Variants in MARS1 observed in about 807,000 individuals in gnomAD.
The protein encoded by MARS1 is methionine--tRNA ligase, cytoplasmic.
In MARS1, 80 loss-of-function variants were observed where a neutral mutation model predicts 119.5. The ratio of observed to expected loss-of-function variants is 0.67; its 90% CI spans 0.56 to 0.81. The LOEUF is 0.81. Among genes scored for constraint, MARS1 ranks in the 30% least tolerant of loss-of-function variants. MARS1 has a pLI of 0.00. For missense variants in MARS1, 945 were observed against 1,116.5 expected, an observed-to-expected ratio of 0.85 and a Z score of 2.19; for synonymous variants, 418 against 433.4, an observed-to-expected ratio of 0.96 and a Z score of 0.44.
Position 57,498,558 on chromosome 12 carries a change from C to T in MARS1, c.1026C>T (p.Asp342=). 1 of 1,614,244 alleles carries T rather than the reference C, an allele frequency of 6.2e-7. No homozygotes were observed. The highest frequency in any genetic ancestry group is 8.5e-7 in the Non-Finnish European group (1 of 1,180,046). The change falls in exon 9 of 21, where the codon GAC becomes GAT. Residue 342 remains aspartate, a synonymous_variant. Coordinates refer to ENST00000262027, the MANE Select transcript of MARS1 (RefSeq NM_004990.4). ...ACAAGTACCACATCATCCATGCTGA[C>T]ATCTACCGCTGGTTTAACATTTCGT... ...ICDKYHIIHA[D]IYRWFNISFD...
chr12:57,511,602 T>G (rs1667614492), intron 11 of MARS1, 96 bp from the exon 12 acceptor site: 2 of 1,360,710 alleles, frequency 1.5e-6, no homozygotes, highest in Non-Finnish European at 2.1e-6. Context: ...AGTTATATAT[T>G]GCCAAATTGT....
chr12:57,511,363 T>C (rs1180696456), intron 11 of MARS1, among the ~76,000 whole-genome samples: 2 of 152,020 alleles, frequency 1.3e-5, no homozygotes, highest in Admixed American at 1.3e-4. Context: ...GTGGGCAGAT[T>C]GCTTGAGCTC....
chr12:57,489,725 G>C, intron 4 of MARS1, 167 bp downstream of exon 4: 1 of 1,094,276 alleles, frequency 9.1e-7, no homozygotes, highest in South Asian at 1.5e-5. Context: ...TGTGAAATGG[G>C]ATAATATTAG....
rs193142386 is a variant in MARS1, at chr12:57,499,492, T to G, written c.1092-829T>G. Among the ~76,000 whole-genome samples the G allele has an allele frequency of 1.2e-3, 186 of 149,946 alleles. 4 individuals are homozygous for G. In the East Asian group the frequency reaches 0.027, roughly 22 times the overall value. On this transcript the variant is annotated intron_variant, in intron 9 of 20. Coordinates refer to ENST00000262027, the MANE Select transcript of MARS1 (RefSeq NM_004990.4). ...GGTGGTGGGCGCCTGTAGTCCCAGC[T>G]ACTCTGGAGGCTGAGGCAGGAGAAT...
At chr12:57,498,091 G>A (rs941630705) in intron 7 of MARS1, 66 bp from the exon 8 acceptor site, 12 of 967,792 alleles carry the variant, frequency 1.2e-5, no homozygotes, top group Non-Finnish European at 1.8e-5. Context: ...GGTGTTCTGT[G>A]CACTTTTCGT....
rs531222344 is a variant in MARS1, at chr12:57,512,164, G to A, written c.1635+61G>A. On this transcript the variant is annotated intron_variant, in intron 13 of 20. Coordinates refer to ENST00000262027, the MANE Select transcript of MARS1 (RefSeq NM_004990.4). ...GTAGGCGGTAGGGTGTGGGTGTTAG[G>A]GTTGGGTGTCTGGTCTTCCTTGGGC... 1.9e-6 allele frequency: 3 copies of A among 1,600,700 alleles called. No individual in the cohort carries two copies. In the South Asian group the frequency reaches 3.3e-5, roughly 18 times the overall value.
Position 57,489,127 on chromosome 12 carries a change from G to T in MARS1, c.200+18G>T. On this transcript the variant is annotated intron_variant, in intron 2 of 20. Transcript: ENST00000262027. ...ATCTGCCGGTCAGTATTGGTCCTTGGTGTAGGGAGGTGGCTGAATCAAATC... is the reference window on the plus strand; with the variant it reads ...ATCTGCCGGTCAGTATTGGTCCTTGTTGTAGGGAGGTGGCTGAATCAAATC... 6.2e-7 allele frequency: 1 copy of T among 1,611,494 alleles called. No homozygotes were observed.
At chr12:57,488,644 C>G in intron 1 of MARS1, 1 of 1,550,946 alleles carries the variant, frequency 6.4e-7, no homozygotes, top group Non-Finnish European at 8.7e-7. Context: ...GTTTGGGTGA[C>G]TCTTAGGAGG....
intron 9 of MARS1, 52 bp downstream of exon 9, chr12:57,498,675 A>C: frequency 1.3e-6 from 2 of 1,553,280 alleles, no homozygotes; most frequent in South Asian, 1.1e-5. Context: ...GAGACTGGGA[A>C]CAGTGGGAGT....
intron 5 of MARS1, 91 bp downstream of exon 5, chr12:57,490,062 C>T: frequency 1.4e-6 from 2 of 1,439,952 alleles, no homozygotes; most frequent in Non-Finnish European, 9.8e-7. Context: ...CTTCAAGGTA[C>T]AGCTTGACTG....
intron 2 of MARS1, 50 bp from the exon 3 acceptor site, chr12:57,489,217 G>C: frequency 6.2e-7 from 1 of 1,604,976 alleles, no homozygotes; most frequent in Non-Finnish European, 8.5e-7. Context: ...TGAGAAATGG[G>C]CTAAATGGGC....
intron 10 of MARS1, among the ~76,000 whole-genome samples, chr12:57,503,830 G>A (rs1175250499): frequency 1.3e-5 from 2 of 152,014 alleles, no homozygotes; most frequent in African/African-American, 2.4e-5. Context: ...GTGAGCCACC[G>A]CGCCCGGCCC....
intron 11 of MARS1, among the ~76,000 whole-genome samples, chr12:57,506,028 T>G (rs184691790): frequency 1.3e-5 from 2 of 151,824 alleles, no homozygotes; most frequent in East Asian, 3.9e-4. Context: ...GCTACCTAGG[T>G]GGGCCGATGA....
intron 14 of MARS1, 85 bp downstream of exon 14, chr12:57,512,438 C>A: frequency 1.1e-6 from 1 of 950,766 alleles, no homozygotes; most frequent in Non-Finnish European, 1.7e-6. Context: ...TGGAGAGCTG[C>A]TATCTTGAGT....
intron 4 of MARS1, 39 bp downstream of exon 4, chr12:57,489,597 T>C (rs1875768665): frequency 1.9e-6 from 3 of 1,612,882 alleles, no homozygotes; most frequent in East Asian, 2.2e-5. Context: ...GGAAGGCTTA[T>C]GGTGTAAGGA....
chr12:57,505,839 T>C (rs377542339), intron 11 of MARS1, among the ~76,000 whole-genome samples: 2 of 149,250 alleles, frequency 1.3e-5, no homozygotes, highest in African/African-American at 5.0e-5. Context: ...AAAGGCCACA[T>C]GCAGTGACTC....
In MARS1 at chr12:57,514,950, C is replaced by A. The variant is rs1253766413; in HGVS notation, c.2100-4C>A. On this transcript the variant is annotated splice_region_variant and splice_polypyrimidine_tract_variant and intron_variant, in intron 16 of 20. Coordinates refer to ENST00000262027, the MANE Select transcript of MARS1 (RefSeq NM_004990.4). ...ACACCTTGGCCTGCTTCCTCCCTTCCCAGGATCCGGGATGCCTTGCGCAGT... is the reference window on the plus strand; with the variant it reads ...ACACCTTGGCCTGCTTCCTCCCTTCACAGGATCCGGGATGCCTTGCGCAGT... 6.2e-7 allele frequency: 1 copy of A among 1,614,170 alleles called. No individual in the cohort carries two copies. Among genetic ancestry groups the A allele is most frequent in the Non-Finnish European group, 8.5e-7 (1 of 1,180,004 alleles).
At chr12:57,507,983 A>G (rs1423087534) in intron 11 of MARS1, among the ~76,000 whole-genome samples, 1 of 145,528 alleles carries the variant, frequency 6.9e-6, no homozygotes, top group East Asian at 2.2e-4. Flanking sequence ...CACTTCTCAG[A>G]CGCGGCGGCC....
chr12:57,515,417 C>A, intron 18 of MARS1, 81 bp downstream of exon 18: 2 of 1,382,484 alleles, frequency 1.4e-6, no homozygotes, highest in South Asian at 1.3e-5. Flanking sequence ...GACCTAACAT[C>A]TCTCCAGTGT....
Sources: allele counts gnomAD v4.1 joint callset (sites outside exome capture counted in the v4.1 genomes callset), GRCh38; gene constraint gnomAD v4.1.1; transcripts MANE v1.5; gene names NCBI Gene and HGNC (gene_info 2026-07-23, HGNC 2026-07-21).